Variants in EYA3 observed in about 807,000 individuals in gnomAD.
The protein encoded by EYA3 is EYA transcriptional coactivator and phosphatase 3.
Under a neutral mutation model 80.0 loss-of-function variants are expected in EYA3, and 39 were observed. That is an observed-to-expected ratio of 0.49 (90% CI 0.38 to 0.64). EYA3 has a LOEUF of 0.64. Ranked by LOEUF, EYA3 falls within the 30% of genes least tolerant of loss-of-function variation. The pLI is 0.00. For synonymous variants in EYA3, 206 were observed against 232.8 expected (o/e 0.88, Z 1.05); for missense variants, 523 against 676.1 (o/e 0.77, Z 2.51).
intron 17 of EYA3, among the ~76,000 whole-genome samples, chr1:27,976,011 G>C (rs1638914284): frequency 6.6e-6 from 1 of 152,128 alleles, no homozygotes. Flanking sequence ...CTATCATCTA[G>C]TTGAAACTGG....
At chr1:28,006,111 A>AG (rs113825674) in intron 10 of EYA3, among the ~76,000 whole-genome samples, 39,380 of 151,938 alleles carry the variant, frequency 0.26, 5,159 homozygotes, top group Non-Finnish European at 0.28. Flanking sequence ...TCTCAAAAAA[A>AG]AAAAAAGAAT....
At chr1:28,048,332 A>C (rs1307814369) in intron 3 of EYA3, 51 bp downstream of exon 3, 6 of 1,452,862 alleles carry the variant, frequency 4.1e-6, no homozygotes, top group Admixed American at 2.0e-5. Flanking sequence ...TGTGAAAAAA[A>C]AAAACAAAAC....
At chr1:28,025,696 A>T (rs1342433773) in intron 7 of EYA3, among the ~76,000 whole-genome samples, 1 of 152,234 alleles carries the variant, frequency 6.6e-6, no homozygotes, top group Non-Finnish European at 1.5e-5. Context: ...TCTAACAGAT[A>T]ACAAATAAGA....
rs33981147 is a variant in EYA3 at position 27,973,568 on chromosome 1, T to A, written c.*898A>T. 53,712 of 151,624 alleles carry A rather than the reference T, an allele frequency of 0.35. 10,213 individuals carry two copies. The highest frequency in any genetic ancestry group is 0.46 in the Middle Eastern group (136 of 294). 9.4% of individuals were successfully genotyped at this position (151,624 alleles called of 1,614,324 possible). On this transcript the variant is annotated 3_prime_UTR_variant, in exon 18 of 18. Coordinates refer to ENST00000373871, the MANE Select transcript of EYA3 (RefSeq NM_001990.4). ...GATACAGTCTGAATGACAGTCAAGC[T>A]GAAGGAGTTTTTAGGGTTGTGCCAT...
At chr1:28,070,259 A>G (rs193275610) in intron 1 of EYA3, among the ~76,000 whole-genome samples, 70 of 152,138 alleles carry the variant, frequency 4.6e-4, no homozygotes, top group African/African-American at 1.5e-3. Context: ...AAAGTGGGAA[A>G]TGAAGAAATC....
chr1:27,985,126 G>A (rs1256633364), intron 16 of EYA3, among the ~76,000 whole-genome samples: 1 of 152,104 alleles, frequency 6.6e-6, no homozygotes, highest in Non-Finnish European at 1.5e-5. Flanking sequence ...TGCCCAGACT[G>A]GAGTACAGTG....
At chr1:27,980,528 G>C (rs1255255718) in intron 16 of EYA3, among the ~76,000 whole-genome samples, 1 of 152,220 alleles carries the variant, frequency 6.6e-6, no homozygotes, top group Non-Finnish European at 1.5e-5. Flanking sequence ...GAGGCCAAGA[G>C]AGTTATTAAC....
At chr1:28,022,470 T>C (rs1642506287) in intron 7 of EYA3, among the ~76,000 whole-genome samples, 1 of 151,720 alleles carries the variant, frequency 6.6e-6, no homozygotes, top group African/African-American at 2.4e-5. Context: ...ATTGCTGGAG[T>C]GGAGATTTTC....
At chr1:28,025,761 T>C (rs1475876672) in intron 7 of EYA3, among the ~76,000 whole-genome samples, 3 of 152,126 alleles carry the variant, frequency 2.0e-5, no homozygotes, top group Non-Finnish European at 4.4e-5. Flanking sequence ...TTTTTTTAAA[T>C]TTCTATTTAT....
chr1:28,087,778 T>C (rs148906650), intron 1 of EYA3, among the ~76,000 whole-genome samples: 250 of 152,346 alleles, frequency 1.6e-3, no homozygotes, highest in African/African-American at 5.7e-3. Context: ...GCCCAACTGC[T>C]AGCAGTACCG....
Position 28,011,165 on chromosome 1 carries a change from C to T in EYA3, c.770-79G>A, listed in dbSNP as rs1036425629. 102 of 1,470,756 alleles carry T rather than the reference C, an allele frequency of 6.9e-5. No homozygotes were observed. In the African/African-American group the frequency reaches 1.3e-3, roughly 19 times the overall value. 91.1% of individuals were successfully genotyped at this position (1,470,756 alleles called of 1,614,324 possible). ...AGGGCAGGAAGAGGGTTAGTGGACT[C>T]TCTGCCCTTGTGAGTCATAATGCAG... On this transcript the variant is annotated intron_variant, in intron 9 of 17. Coordinates refer to ENST00000373871, the MANE Select transcript of EYA3 (RefSeq NM_001990.4).
At chr1:28,024,508 T>C (rs1642654791) in intron 7 of EYA3, among the ~76,000 whole-genome samples, 1 of 151,740 alleles carries the variant, frequency 6.6e-6, no homozygotes, top group African/African-American at 2.4e-5. Flanking sequence ...AATACAAAAA[T>C]TAGCTGGGCG....
At chr1:27,992,520 G>A (rs779993716) in intron 14 of EYA3, among the ~76,000 whole-genome samples, 2 of 152,198 alleles carry the variant, frequency 1.3e-5, no homozygotes, top group Non-Finnish European at 2.9e-5. Flanking sequence ...CCGCTGACTG[G>A]TATCAGTCTG....
At chr1:28,071,618 T>C (rs1202780266) in intron 1 of EYA3, among the ~76,000 whole-genome samples, 3 of 152,204 alleles carry the variant, frequency 2.0e-5, no homozygotes, top group African/African-American at 7.2e-5. Flanking sequence ...GGATTTCTTT[T>C]TTGTTTGTCT....
At chr1:28,051,324 T>C (rs1644240645) in intron 2 of EYA3, among the ~76,000 whole-genome samples, 2 of 152,120 alleles carry the variant, frequency 1.3e-5, no homozygotes, top group East Asian at 1.9e-4. Context: ...TATATTTCTA[T>C]ATACTTGCAG....
intron 2 of EYA3, among the ~76,000 whole-genome samples, chr1:28,050,755 G>A (rs1349653691): frequency 2.0e-5 from 3 of 152,044 alleles, no homozygotes; most frequent in African/African-American, 7.3e-5. Flanking sequence ...CCCCTCTAAG[G>A]CAGGGATAGG....
At chr1:28,069,251 C>T (rs1644937197) in intron 1 of EYA3, among the ~76,000 whole-genome samples, 1 of 152,098 alleles carries the variant, frequency 6.6e-6, no homozygotes, top group African/African-American at 2.4e-5. Flanking sequence ...GCTGGGACTA[C>T]AGGCACATGC....
rs773365690 is a variant in EYA3, at chr1:27,997,304, T to C, written c.1142+16A>G. 6.8e-6 allele frequency: 11 copies of C among 1,612,080 alleles called. No homozygotes were observed. In the African/African-American group the frequency reaches 1.5e-4, roughly 22 times the overall value. ...TAACAGGTGTACTGGTGTTCAAGAA[T>C]CATTATGTTTATCACCTCAAGTCTT... On this transcript the variant is annotated intron_variant, in intron 13 of 17. Coordinates refer to ENST00000373871, the MANE Select transcript of EYA3 (RefSeq NM_001990.4).
chr1:28,074,605 C>G (rs1470919872), intron 1 of EYA3, among the ~76,000 whole-genome samples: 1 of 151,768 alleles, frequency 6.6e-6, no homozygotes, highest in Non-Finnish European at 1.5e-5. Context: ...GTGCAAGCCA[C>G]CATACCAGGC....
Sources: allele counts gnomAD v4.1 joint callset (sites outside exome capture counted in the v4.1 genomes callset), GRCh38; gene constraint gnomAD v4.1.1; transcripts MANE v1.5; gene names NCBI Gene and HGNC (gene_info 2026-07-23, HGNC 2026-07-21).